Variants in NCOA5 observed in about 807,000 individuals in gnomAD.
The protein encoded by NCOA5 is nuclear receptor coactivator 5.
A neutral mutation model predicts 59.0 loss-of-function variants in NCOA5; 12 were observed. The observed-to-expected ratio is 0.20, with a 90% confidence interval of 0.13 to 0.33. The LOEUF (loss-of-function observed/expected upper bound fraction) is 0.33. Among genes scored for constraint, NCOA5 ranks in the 10% least tolerant of loss-of-function variants. The pLI, the probability that NCOA5 is intolerant of heterozygous loss-of-function variation, is 1.00. For missense variants in NCOA5, 655 were observed against 766.6 expected (o/e 0.85, Z 1.72); for synonymous variants, 270 against 275.5 (o/e 0.98, Z 0.20).
intron 2 of NCOA5, among the ~76,000 whole-genome samples, chr20:46,077,862 G>C (rs1311102733): frequency 6.6e-6 from 1 of 152,226 alleles, no homozygotes; most frequent in African/African-American, 2.4e-5. Flanking sequence ...CCCAAGATCT[G>C]TGGCATGGTT....
rs530595334 is a variant in NCOA5, at chr20:46,083,199, CATG to C, written c.-29-3749_-29-3747del. ...CTAGGCCCAAAGACCAAACCAAATT[CATG>C]ATGAAGTTCCACGCTATCAAGCCAA... On this transcript the variant is annotated intron_variant, in intron 1 of 7. Transcript: ENST00000290231. 9.2e-4 allele frequency among the ~76,000 whole-genome samples: 140 copies of C among 152,280 alleles called. 1 individual carries two copies. The highest frequency in any genetic ancestry group is 3.4e-3 in the Middle Eastern group (1 of 294).
At chr20:46,063,936 T>C (rs934966539) in intron 6 of NCOA5, among the ~76,000 whole-genome samples, 18 of 152,146 alleles carry the variant, frequency 1.2e-4, no homozygotes, top group African/African-American at 4.3e-4. Context: ...CACAGACTTG[T>C]AGTAAAAACC....
intron 6 of NCOA5, among the ~76,000 whole-genome samples, chr20:46,063,987 G>A (rs990504817): frequency 6.6e-5 from 10 of 152,168 alleles, no homozygotes; most frequent in Non-Finnish European, 1.2e-4. Context: ...AACAGACCAC[G>A]TGGGGAACAG....
At chr20:46,082,257 T>C (rs931770739) in intron 1 of NCOA5, among the ~76,000 whole-genome samples, 4 of 152,118 alleles carry the variant, frequency 2.6e-5, no homozygotes, top group South Asian at 2.1e-4. Flanking sequence ...ATCTAATCTA[T>C]AGTTTTATTT....
At chr20:46,067,558 T>G (rs989577739) in intron 4 of NCOA5, among the ~76,000 whole-genome samples, 1 of 146,228 alleles carries the variant, frequency 6.8e-6, no homozygotes. Flanking sequence ...CTAATCTGCA[T>G]TTTTGCTTTT....
chr20:46,089,032 A>G (rs976021675), intron 1 of NCOA5, among the ~76,000 whole-genome samples: 2 of 152,268 alleles, frequency 1.3e-5, no homozygotes, highest in Non-Finnish European at 2.9e-5. Flanking sequence ...AAAATGTAAC[A>G]TTTGGTAAAT....
At chr20:46,073,372 C>T (rs1463695420) in intron 2 of NCOA5, among the ~76,000 whole-genome samples, 1 of 152,188 alleles carries the variant, frequency 6.6e-6, no homozygotes, top group Non-Finnish European at 1.5e-5. Context: ...AGACCAGGGA[C>T]TTTAAATGAG....
chr20:46,068,716 T>C (rs1395038577), intron 3 of NCOA5, 78 bp from the exon 4 acceptor site: 1 of 1,416,820 alleles, frequency 7.1e-7, no homozygotes, highest in Non-Finnish European at 9.7e-7. Flanking sequence ...TTCTCTGGGA[T>C]TAGACAAATG....
intron 2 of NCOA5, among the ~76,000 whole-genome samples, chr20:46,074,757 G>A (rs2145540630): frequency 6.6e-6 from 1 of 152,352 alleles, no homozygotes; most frequent in East Asian, 1.9e-4. Flanking sequence ...TACAGAGTAA[G>A]AACTGATAGA....
At chr20:46,075,980 T>A (rs921375289) in intron 2 of NCOA5, among the ~76,000 whole-genome samples, 1 of 152,140 alleles carries the variant, frequency 6.6e-6, no homozygotes, top group Non-Finnish European at 1.5e-5. Flanking sequence ...TATTATTGAA[T>A]AGAGAGCAAA....
chr20:46,073,947 C>T lies in NCOA5; in HGVS notation c.39-3411G>A, dbSNP rs113477254. 9.0e-3 allele frequency among the ~76,000 whole-genome samples: 1,375 copies of T among 152,278 alleles called. 7 individuals carry two copies. Among genetic ancestry groups the T allele is most frequent in the Non-Finnish European group, 0.013 (910 of 68,022 alleles). The stretch of plus-strand genomic sequence containing the variant: ...TTGAAGTCCATGTGCAACAAAACTA[C>T]TAATTCCCTCTCAAGTGCCTTCAGG... On this transcript the variant is annotated intron_variant, in intron 2 of 7. Transcript: ENST00000290231.
intron 4 of NCOA5, 99 bp downstream of exon 4, chr20:46,068,403 A>T (rs775329044): frequency 1.4e-5 from 19 of 1,328,598 alleles, no homozygotes; most frequent in Non-Finnish European, 2.0e-6. Flanking sequence ...TGGCCAAGGC[A>T]CTAGCCCTTT....
At chr20:46,066,934 C>T in intron 5 of NCOA5, 121 bp downstream of exon 5, 1 of 1,136,618 alleles carries the variant, frequency 8.8e-7, no homozygotes. Context: ...AGAACCCTGG[C>T]TAACAGCGCA....
Position 46,062,849 on chromosome 20 carries a change from G to A in NCOA5, c.1191C>T (p.Ala397=), listed in dbSNP as rs1429698950. Residue 397 remains alanine (A), a synonymous_variant, in exon 8 of 8, where the codon GCC becomes GCT. Coordinates refer to ENST00000290231, the MANE Select transcript of NCOA5 (RefSeq NM_020967.3). ...SRQPLGATSG[A]SLKTQPSSQP... is the part of the protein sequence containing the mutation. ...GGGAGCTTGGCTGTGTCTTCAGCGA[G>A]GCACCCGAGGTCGCCCCGAGTGGTT... The A allele has an allele frequency of 2.0e-6, 3 of 1,526,664 alleles. No individual in the cohort carries two copies. Among genetic ancestry groups the A allele is most frequent in the African/African-American group, 2.8e-5 (2 of 71,956 alleles). The allele number at this position is 1,526,664 out of a possible 1,614,324, so 94.6% of individuals were successfully genotyped here.
chr20:46,073,537 C>T (rs1240420078), intron 2 of NCOA5, among the ~76,000 whole-genome samples: 1 of 152,172 alleles, frequency 6.6e-6, no homozygotes, highest in Non-Finnish European at 1.5e-5. Flanking sequence ...AGAGAAAGGA[C>T]AACTGCAAAG....
intron 5 of NCOA5, 84 bp from the exon 6 acceptor site, chr20:46,065,312 G>A: frequency 7.6e-7 from 1 of 1,324,460 alleles, no homozygotes; most frequent in Non-Finnish European, 1.1e-6. Context: ...TGTTCCTACT[G>A]ATAACTCAAA....
At chr20:46,065,412 TG>T (rs770343370) in intron 5 of NCOA5, among the ~76,000 whole-genome samples, 184 bp from the exon 6 acceptor site, 7 of 152,152 alleles carry the variant, frequency 4.6e-5, no homozygotes, top group Admixed American at 2.0e-4. Flanking sequence ...GTGACTTGCT[TG>T]AGATCACGTC....
At chr20:46,089,289 G>C (rs1000806092) in intron 1 of NCOA5, among the ~76,000 whole-genome samples, 1 of 152,200 alleles carries the variant, frequency 6.6e-6, no homozygotes, top group African/African-American at 2.4e-5. Context: ...ACCACAAGGA[G>C]ACACCCCGAG....
At position 46,070,573 on chromosome 20, in the gene NCOA5, A is replaced by G. The variant is rs2084872674; in HGVS notation, c.39-37T>C. On this transcript the variant is annotated intron_variant, in intron 2 of 7. Coordinates refer to ENST00000290231, the MANE Select transcript of NCOA5 (RefSeq NM_020967.3). ...AGCAAGAAAATGCTAAGACAAAGAA[A>G]TTGAAAGTAGCCAACCCATCAGCTC... is the stretch of plus-strand genomic sequence containing the variant. 3 of 1,593,752 alleles carry G rather than the reference A, an allele frequency of 1.9e-6. No individual in the cohort carries two copies. The African/African-American group carries it at 4.1e-5, about 22-fold the overall frequency.
Sources: allele counts gnomAD v4.1 joint callset (sites outside exome capture counted in the v4.1 genomes callset), GRCh38; gene constraint gnomAD v4.1.1; transcripts MANE v1.5; gene names NCBI Gene and HGNC (gene_info 2026-07-23, HGNC 2026-07-21).